APP: variants seen among roughly 807,000 people sequenced by gnomAD.
APP encodes the protein amyloid beta precursor protein, also known as amyloid-beta precursor protein.
Under a neutral mutation model 101.4 loss-of-function variants are expected in APP, and 31 were observed. The observed-to-expected ratio is 0.31, with a 90% CI of 0.23 to 0.41. APP has a LOEUF of 0.41. Among genes scored for constraint, APP ranks in the 10% least tolerant of loss-of-function variants. APP has a pLI of 1.00. For synonymous variants in APP, 366 were observed against 364.4 expected, an observed-to-expected ratio of 1.00 and a Z score of -0.05; for missense variants, 839 against 1,003.7, an observed-to-expected ratio of 0.84 and a Z score of 2.22.
chr21:26,066,913 C>A (rs2046475662), intron 3 of APP, among the ~76,000 whole-genome samples: 1 of 152,084 alleles, frequency 6.6e-6, no homozygotes, highest in African/African-American at 2.4e-5. Flanking sequence ...CAGAGAGGTG[C>A]ACATAGGGTG....
chr21:25,896,931 TAA>T (rs1184898939), intron 16 of APP, among the ~76,000 whole-genome samples: 1 of 152,198 alleles, frequency 6.6e-6, no homozygotes, highest in African/African-American at 2.4e-5. Flanking sequence ...TTAAGCCACA[TAA>T]AGTGTTCTGT....
intron 1 of APP, among the ~76,000 whole-genome samples, chr21:26,132,578 A>C (rs2062817739): frequency 6.6e-6 from 1 of 152,224 alleles, no homozygotes; most frequent in Non-Finnish European, 1.5e-5. Flanking sequence ...CATTTCTGTT[A>C]CACAGCATAT....
chr21:25,920,159 T>C, intron 13 of APP, among the ~76,000 whole-genome samples: 1 of 143,656 alleles, frequency 7.0e-6, no homozygotes, highest in African/African-American at 2.6e-5. Flanking sequence ...ATAAAATACT[T>C]TACAGACAAG....
At chr21:25,927,332 G>A (rs531765181) in intron 13 of APP, among the ~76,000 whole-genome samples, 2 of 15,600 alleles carry the variant, frequency 1.3e-4, no homozygotes, top group South Asian at 9.3e-3. Context: ...CGATGGCTAC[G>A]TGAATGGCCA....
intron 3 of APP, among the ~76,000 whole-genome samples, chr21:26,074,370 T>C (rs1175593186): frequency 4.6e-5 from 7 of 152,352 alleles, no homozygotes; most frequent in Non-Finnish European, 8.8e-5. Context: ...CATTTATAAA[T>C]AGTATCCTAA....
At position 25,935,823 on chromosome 21, in the gene APP, G is replaced by A. The variant is rs190388501; in HGVS notation, c.1687+18767C>T. ...CCACTGCATTCCAGCCTGGGCAACA[G>A]AGTGAGACTCTGTCTCAAAAAAAAA... On this transcript the variant is annotated intron_variant, in intron 13 of 17. Transcript: ENST00000346798. Among the ~76,000 whole-genome samples, 615 of 121,476 alleles carry A rather than the reference G, an allele frequency of 5.1e-3. 2 individuals carry two copies. The highest frequency in any genetic ancestry group is 8.0e-3 in the Non-Finnish European group (489 of 61,224). The allele number at this position is 121,476 out of a possible 152,430, so 79.7% of individuals were successfully genotyped here. A position where few individuals can be genotyped will look rare whatever the true frequency, so the allele number is the denominator to read the frequency against.
chr21:25,983,896 A>G (rs2042539156), intron 8 of APP, among the ~76,000 whole-genome samples: 1 of 152,208 alleles, frequency 6.6e-6, no homozygotes, highest in African/African-American at 2.4e-5. Context: ...GGGATTTGCA[A>G]TTAAGCACAT....
intron 8 of APP, among the ~76,000 whole-genome samples, chr21:25,991,026 G>A (rs116327349): frequency 6.6e-6 from 1 of 152,142 alleles, no homozygotes; most frequent in African/African-American, 2.4e-5. Flanking sequence ...GCAGCAACTT[G>A]GATGGAGGTG....
At chr21:26,169,773 T>C (rs1393078488) in intron 1 of APP, among the ~76,000 whole-genome samples, 2 of 152,210 alleles carry the variant, frequency 1.3e-5, no homozygotes. Flanking sequence ...GCGGACCTTC[T>C]GCCTCTCAGA....
At chr21:26,140,153 A>G (rs2063011606) in intron 1 of APP, 4 of 1,531,084 alleles carry the variant, frequency 2.6e-6, no homozygotes, top group South Asian at 1.2e-5. Context: ...ACTCACTTAC[A>G]TAGTTGATAA....
chr21:26,025,541 C>G (rs751184819), intron 5 of APP, among the ~76,000 whole-genome samples: 10 of 152,190 alleles, frequency 6.6e-5, no homozygotes, highest in Non-Finnish European at 7.3e-5. Flanking sequence ...TGGGTATCCC[C>G]AGGTTCCTTC....
Position 26,026,403 on chromosome 21 carries a change from T to C in APP, c.663-4361A>G, listed in dbSNP as rs544319591. Among the ~76,000 whole-genome samples, 5 of 152,310 alleles carry C rather than the reference T, an allele frequency of 3.3e-5. No homozygotes were observed. The South Asian group carries it at 8.3e-4, about 25-fold the overall frequency. On this transcript the variant is annotated intron_variant, in intron 5 of 17. Coordinates refer to ENST00000346798, the MANE Select transcript of APP (RefSeq NM_000484.4). ...GAAATAAATCACTGATGATAAAATT[T>C]TATGTGTCAGCATGCGAGATTTTAC... is the stretch of plus-strand genomic sequence containing the variant.
intron 1 of APP, among the ~76,000 whole-genome samples, chr21:26,166,284 T>C (rs28684415): frequency 0.02 from 3,009 of 152,224 alleles, 114 homozygotes; most frequent in African/African-American, 0.068. Context: ...GGTGTGCTCA[T>C]TCCTTCCCCT....
chr21:25,973,275 A>G (rs180789684), intron 11 of APP, among the ~76,000 whole-genome samples: 18 of 152,324 alleles, frequency 1.2e-4, no homozygotes, highest in Middle Eastern at 3.4e-3. Context: ...TTCAGTGTAC[A>G]TGGTCTTCCC....
In APP at chr21:26,049,107, TA is replaced by T. The variant is rs371516422; in HGVS notation, c.662+1892del. Among the ~76,000 whole-genome samples, 654 of 152,152 alleles carry T rather than the reference TA, an allele frequency of 4.3e-3. 7 individuals are homozygous for T. Among genetic ancestry groups the T allele is most frequent in the Middle Eastern group, 0.017 (5 of 294 alleles). ...ATTTCCTACCAACTGTCAACAGGAT[TA>T]AAAACACATAGTAGAAAGATAGTAA... On this transcript the variant is annotated intron_variant, in intron 5 of 17. Coordinates refer to ENST00000346798, the MANE Select transcript of APP (RefSeq NM_000484.4).
At chr21:26,167,005 T>A (rs1024026649) in intron 1 of APP, among the ~76,000 whole-genome samples, 2 of 152,140 alleles carry the variant, frequency 1.3e-5, no homozygotes, top group Non-Finnish European at 2.9e-5. Context: ...ATATTGTATA[T>A]GCAGAAACTT....
At chr21:25,884,192 C>A (rs147918323) in intron 17 of APP, among the ~76,000 whole-genome samples, 2 of 152,214 alleles carry the variant, frequency 1.3e-5, no homozygotes, top group African/African-American at 4.8e-5. Flanking sequence ...CCGATTCTTA[C>A]GTTTCCATTT....
At chr21:25,999,388 G>A (rs189464766) in intron 7 of APP, among the ~76,000 whole-genome samples, 5 of 152,344 alleles carry the variant, frequency 3.3e-5, no homozygotes, top group Non-Finnish European at 5.9e-5. Flanking sequence ...TTCAAGAGAA[G>A]AAGCAGAAGT....
chr21:26,083,906 T>C (rs942964083), intron 3 of APP, among the ~76,000 whole-genome samples: 2 of 152,108 alleles, frequency 1.3e-5, no homozygotes, highest in Non-Finnish European at 1.5e-5. Flanking sequence ...TGTAATGAAG[T>C]ATAAATCACC....
Sources: gnomAD v4.1 joint callset for allele counts (sites outside exome capture counted in the v4.1 genomes callset) on GRCh38, gnomAD v4.1.1 for gene constraint, MANE v1.5 for transcripts, NCBI Gene and HGNC (gene_info 2026-07-23, HGNC 2026-07-21) for gene names.